Variants in PLCZ1 observed in about 807,000 individuals in gnomAD.
PLCZ1 encodes 1-phosphatidylinositol 4,5-bisphosphate phosphodiesterase zeta-1.
A neutral mutation model predicts 76.8 loss-of-function variants in PLCZ1; 64 were observed. That is an observed-to-expected ratio of 0.83 (90% CI 0.68 to 1.03). PLCZ1 has a LOEUF of 1.03. Among genes scored for constraint, PLCZ1 ranks in the 50% least tolerant of loss-of-function variants. PLCZ1 has a pLI of 0.00. For missense variants in PLCZ1, 751 were observed against 713.7 expected (o/e 1.05, Z -0.60); for synonymous variants, 248 against 230.8 (o/e 1.07, Z -0.68).
At position 18,695,000 on chromosome 12, in the gene PLCZ1, A is replaced by T; in HGVS notation, c.1371T>A (p.Tyr457Ter). 1 of 1,611,194 alleles carries T rather than the reference A, an allele frequency of 6.2e-7. No individual in the cohort carries two copies. Among genetic ancestry groups the T allele is most frequent in the South Asian group, 1.1e-5 (1 of 91,026 alleles). ...CTCTTAAGAAATGTGGTTTCAAAAT[A>T]TATCCAGAACCACCATTATCCAAAA... is the stretch of plus-strand genomic sequence containing the variant. ...GKFLDNGGSG[Y>*]ILKPHFLRES... The change falls in exon 12 of 15, where the codon TAT becomes TAA. Residue 457 changes from tyrosine to a stop codon, truncating the protein, a stop_gained. Coordinates refer to ENST00000266505, the MANE Select transcript of PLCZ1 (RefSeq NM_033123.4). LOFTEE classifies it high-confidence loss of function.
At chr12:18,708,156 T>C (rs1956851096) in intron 6 of PLCZ1, among the ~76,000 whole-genome samples, 3 of 152,208 alleles carry the variant, frequency 2.0e-5, no homozygotes, top group African/African-American at 7.2e-5. Flanking sequence ...CTGACCTACC[T>C]TTCTCCATTT....
At chr12:18,651,981 A>T in the PLCZ1 span, among the ~76,000 whole-genome samples, 2 of 152,176 alleles carry the variant, frequency 1.3e-5, no homozygotes, top group African/African-American at 4.8e-5. Flanking sequence ...CCAGGTGTTT[A>T]AAAAAGTATA....
chr12:18,703,956 A>G (rs1206501470), intron 7 of PLCZ1, among the ~76,000 whole-genome samples: 3 of 152,210 alleles, frequency 2.0e-5, no homozygotes, highest in African/African-American at 7.2e-5. Context: ...AAACCAAACT[A>G]TTTGTTGTTA....
At chr12:18,693,321 G>A (rs151299245) in intron 12 of PLCZ1, 2 of 1,546,316 alleles carry the variant, frequency 1.3e-6, no homozygotes, top group Admixed American at 3.3e-5. Flanking sequence ...GGCCCCCCAA[G>A]AGACCTATGC....
rs138075971 is a variant in PLCZ1, at chr12:18,723,508, A to G, written c.170T>C (p.Ile57Thr). 5 of 1,612,550 alleles carry G rather than the reference A, an allele frequency of 3.1e-6. No homozygotes were observed. Among genetic ancestry groups the G allele is most frequent in the Non-Finnish European group, 4.2e-6 (5 of 1,179,374 alleles). Reference sequence around the variant, plus strand: ...TCGATAAATTGCTCTAAATTCTTCTATGGTGATTCTTCCTTGTTTCAGCCT... The same window carrying G: ...TCGATAAATTGCTCTAAATTCTTCTGTGGTGATTCTTCCTTGTTTCAGCCT... ...NDRLKQGRIT[I>T]EEFRAIYRII... The change falls in exon 4 of 15, where the codon ATA becomes ACA. Residue 57 changes from isoleucine to threonine, a missense_variant. By Grantham distance (89) the Ile-to-Thr change is moderately conservative. Transcript: ENST00000266505.
At position 18,712,996 on chromosome 12, in the gene PLCZ1, T is replaced by G; in HGVS notation, c.570-10A>C. 1 of 1,613,754 alleles carries G rather than the reference T, an allele frequency of 6.2e-7. No individual in the cohort carries two copies. Among genetic ancestry groups the G allele is most frequent in the Non-Finnish European group, 8.5e-7 (1 of 1,179,764 alleles). On this transcript the variant is annotated splice_polypyrimidine_tract_variant and intron_variant, in intron 5 of 14. Transcript: ENST00000266505. ...TCCTTTCACAAGGGCACTAGCAAAA[T>G]TTCAGCAAAATAAAATGTTACTCCT...
At chr12:18,666,438 A>T in the PLCZ1 span, among the ~76,000 whole-genome samples, 1 of 152,114 alleles carries the variant, frequency 6.6e-6, no homozygotes, top group Admixed American at 6.5e-5. Flanking sequence ...GGCTATACTA[A>T]TTTTTAAAAT....
intron 6 of PLCZ1, among the ~76,000 whole-genome samples, chr12:18,707,698 A>G (rs1378343626): frequency 1.3e-5 from 2 of 149,986 alleles, no homozygotes; most frequent in African/African-American, 5.1e-5. Context: ...ATTATTGTCT[A>G]TGTAATTTCA....
Position 18,705,202 on chromosome 12 carries a change from C to T in PLCZ1, c.828G>A (p.Met276Ile), listed in dbSNP as rs1956451034. The T allele has an allele frequency of 6.2e-7, 1 of 1,613,984 alleles. No homozygotes were observed. Among genetic ancestry groups the T allele is most frequent in the Non-Finnish European group, 8.5e-7 (1 of 1,179,990 alleles). ...GTAGAGTATCAGGAAAATCATCAAG[C>T]ATATCAGAAAGCAAGGACTCTCCAA... Reference protein sequence around the residue: ...ATFGESLLSDMLDDFPDTLPS... With the variant: ...ATFGESLLSDILDDFPDTLPS... Residue 276 changes from methionine (M) to isoleucine (I), a missense_variant, in exon 7 of 15, where the codon ATG becomes ATA. Met to Ile is a conservative substitution (Grantham distance 10, BLOSUM62 1). Coordinates refer to ENST00000266505, the MANE Select transcript of PLCZ1 (RefSeq NM_033123.4).
At chr12:18,698,718 G>A (rs1955471710) in intron 10 of PLCZ1, among the ~76,000 whole-genome samples, 1 of 152,032 alleles carries the variant, frequency 6.6e-6, no homozygotes, top group African/African-American at 2.4e-5. Context: ...ACAATGTCTA[G>A]TAACACATCA....
rs913556553 is a variant in PLCZ1, at chr12:18,737,930, A to C, written c.-139+2T>G. ...CAACATATAATGCACACAGAGACACACCACTTTCGAAGAAGACTGTTCAGG... is the reference window on the plus strand; with the variant it reads ...CAACATATAATGCACACAGAGACACCCCACTTTCGAAGAAGACTGTTCAGG... On this transcript the variant is annotated splice_donor_variant, in intron 1 of 14. Transcript: ENST00000266505. LOFTEE classifies it low-confidence loss of function (5UTR_SPLICE). The C allele has an allele frequency of 5.1e-5, 16 of 312,082 alleles. No individual in the cohort carries two copies. The highest frequency in any genetic ancestry group is 8.8e-5 in the Non-Finnish European group (15 of 169,564). The allele number at this position is 312,082 out of a possible 1,614,324, so 19.3% of individuals were successfully genotyped here. A position where few individuals can be genotyped will look rare whatever the true frequency, so the allele number is the denominator to read the frequency against.
the PLCZ1 span, among the ~76,000 whole-genome samples, chr12:18,655,836 A>C: frequency 1.3e-5 from 2 of 151,796 alleles, no homozygotes; most frequent in Non-Finnish European, 2.9e-5. Flanking sequence ...AACTGTCAAC[A>C]TCATAAAAAG....
At chr12:18,729,562 C>G (rs1188870181) in intron 3 of PLCZ1, among the ~76,000 whole-genome samples, 5 of 151,956 alleles carry the variant, frequency 3.3e-5, no homozygotes, top group Non-Finnish European at 7.4e-5. Context: ...AGACTCAGGG[C>G]AAATCCAATT....
At position 18,703,864 on chromosome 12, in the gene PLCZ1, A is replaced by C. The variant is rs189848778; in HGVS notation, c.864+1302T>G. Among the ~76,000 whole-genome samples the C allele has an allele frequency of 2.0e-3, 299 of 152,010 alleles. 1 individual carries two copies. The highest frequency in any genetic ancestry group is 7.0e-3 in the African/African-American group (290 of 41,494). ...AGCCTTTTGATTATTTTAAGTTGGCAAAAAAAATAAGGAAAATACAGAGGG... is the reference window on the plus strand; with the variant it reads ...AGCCTTTTGATTATTTTAAGTTGGCCAAAAAAATAAGGAAAATACAGAGGG... On this transcript the variant is annotated intron_variant, in intron 7 of 14. Transcript: ENST00000266505.
At chr12:18,650,331 C>CTCTCTCTATATATATATA in the PLCZ1 span, among the ~76,000 whole-genome samples, 3 of 91,984 alleles carry the variant, frequency 3.3e-5, no homozygotes, top group African/African-American at 1.3e-4. Context: ...CTCTCTCTCT[C>CTCTCTCTATATATATATA]TATATATATA....
intron 3 of PLCZ1, among the ~76,000 whole-genome samples, chr12:18,727,705 A>G (rs1310856938): frequency 6.6e-6 from 1 of 152,162 alleles, no homozygotes; most frequent in Non-Finnish European, 1.5e-5. Flanking sequence ...ATAAAGAGTT[A>G]TTGATCAGTT....
the PLCZ1 span, among the ~76,000 whole-genome samples, chr12:18,661,728 C>A: frequency 1.7e-4 from 26 of 152,088 alleles, no homozygotes; most frequent in African/African-American, 5.6e-4. Context: ...TTGTGGAAAG[C>A]AGTTTGGTGA....
At position 18,684,193 on chromosome 12, in the gene PLCZ1, C is replaced by T. The variant is rs980750992; in HGVS notation, c.1678G>A (p.Gly560Ser). The T allele has an allele frequency of 8.1e-6, 13 of 1,612,094 alleles. No individual in the cohort carries two copies. Among genetic ancestry groups the T allele is most frequent in the Non-Finnish European group, 1.0e-5 (12 of 1,178,936 alleles). ...ALIRFVVEGQ[G>S]LIAGNEFLGQ... ...AGAAATTCATTTCCTGCTATTAAAC[C>T]TTGACCTTCAACAACAAAACGTATC... is the stretch of plus-strand genomic sequence containing the variant. The change falls in exon 14 of 15, where the codon GGT (glycine) becomes AGT (serine). Residue 560 changes from glycine to serine, a missense_variant. Gly to Ser is a moderately conservative substitution (Grantham distance 56). Transcript: ENST00000266505.
At chr12:18,729,038 T>A (rs936834226) in intron 3 of PLCZ1, among the ~76,000 whole-genome samples, 2 of 152,072 alleles carry the variant, frequency 1.3e-5, no homozygotes, top group Admixed American at 1.3e-4. Flanking sequence ...CAATCCATTC[T>A]AACTAGTGCC....
Sources: allele counts gnomAD v4.1 joint callset (sites outside exome capture counted in the v4.1 genomes callset), GRCh38; gene constraint gnomAD v4.1.1; transcripts MANE v1.5; gene names NCBI Gene and HGNC (gene_info 2026-07-23, HGNC 2026-07-21).